Variants in ECD observed in about 807,000 individuals in gnomAD.
The protein encoded by ECD is protein ecdysoneless homolog.
Under a neutral mutation model 77.2 loss-of-function variants are expected in ECD, and 59 were observed. That is an observed-to-expected ratio of 0.76 (90% CI 0.62 to 0.95). The LOEUF (loss-of-function observed/expected upper bound fraction) is 0.95. Ranked by LOEUF, ECD falls within the 40% of genes least tolerant of loss-of-function variation. The pLI is 0.00. For missense variants in ECD, 704 were observed against 763.4 expected, an observed-to-expected ratio of 0.92 and a Z score of 0.92; for synonymous variants, 233 against 267.4, an observed-to-expected ratio of 0.87 and a Z score of 1.26.
At chr10:73,147,279 G>A (rs1451958341) in intron 8 of ECD, among the ~76,000 whole-genome samples, 3 of 152,148 alleles carry the variant, frequency 2.0e-5, no homozygotes, top group Non-Finnish European at 4.4e-5. Flanking sequence ...TGGGCACGGT[G>A]GCTCACGCCT....
At chr10:73,156,131 C>T (rs1843292109) in intron 5 of ECD, 144 bp downstream of exon 5, 3 of 562,264 alleles carry the variant, frequency 5.3e-6, no homozygotes, top group Non-Finnish European at 8.5e-6. Context: ...TAGCATTAAT[C>T]TAGGTGAAAG....
In ECD at chr10:73,147,957, T is replaced by G. The variant is rs1040795803; in HGVS notation, c.1041+319A>C. On this transcript the variant is annotated intron_variant, in intron 8 of 13. Coordinates refer to ENST00000372979, the MANE Select transcript of ECD (RefSeq NM_007265.3). ...TTTACTAGGTATCTTTTAATAATTTTTAAAATCCACATCTTTGCTAATTTT... is the reference window on the plus strand; with the variant it reads ...TTTACTAGGTATCTTTTAATAATTTGTAAAATCCACATCTTTGCTAATTTT... Among the ~76,000 whole-genome samples the G allele has an allele frequency of 3.3e-5, 5 of 152,334 alleles. No homozygotes were observed. In the East Asian group the frequency reaches 9.6e-4, roughly 29 times the overall value.
At chr10:73,137,960 C>T in intron 12 of ECD, 43 bp downstream of exon 12, 6 of 1,460,326 alleles carry the variant, frequency 4.1e-6, no homozygotes, top group Non-Finnish European at 5.6e-6. Context: ...AGCCATACTA[C>T]TAACAGTTTC....
In ECD at chr10:73,134,715, A is replaced by C. The variant is rs749917422; in HGVS notation, c.1803T>G (p.Val601=). ...MAPVDVDLNL[V]SNILESYSSQ... ...AGCTATAGGATTCCAATATATTTGAAACCAGGTTCAGGTCTACATCTACTG... is the reference window on the plus strand; with the variant it reads ...AGCTATAGGATTCCAATATATTTGACACCAGGTTCAGGTCTACATCTACTG... Residue 601 remains valine, a synonymous_variant, in exon 14 of 14, where the codon GTT becomes GTG. Transcript: ENST00000372979. 2.4e-5 allele frequency: 38 copies of C among 1,614,176 alleles called. No individual in the cohort carries two copies. The highest frequency in any genetic ancestry group is 3.2e-5 in the Non-Finnish European group (38 of 1,180,040).
chr10:73,153,791 T>A (rs1156636727), intron 6 of ECD, among the ~76,000 whole-genome samples: 5 of 142,880 alleles, frequency 3.5e-5, no homozygotes, highest in Admixed American at 3.4e-4. Flanking sequence ...CAAAAATAGC[T>A]ATAAAACATT....
At chr10:73,142,746 A>G (rs776391731) in intron 9 of ECD, among the ~76,000 whole-genome samples, 5 of 151,926 alleles carry the variant, frequency 3.3e-5, no homozygotes, top group African/African-American at 4.8e-5. Flanking sequence ...TTTCTCAAGT[A>G]TACTTCGGCA....
intron 8 of ECD, among the ~76,000 whole-genome samples, chr10:73,147,891 T>C (rs759040950): frequency 6.6e-6 from 1 of 152,160 alleles, no homozygotes; most frequent in Non-Finnish European, 1.5e-5. Flanking sequence ...TATATATATA[T>C]ATATCTTTAC....
chr10:73,139,601 C>T (rs1410906242), intron 10 of ECD, 30 bp downstream of exon 10: 3 of 1,578,508 alleles, frequency 1.9e-6, no homozygotes, highest in East Asian at 2.2e-5. Flanking sequence ...TTTTTTTAAC[C>T]CTTCCACTGT....
At chr10:73,152,059 A>AT (rs1233077839) in intron 7 of ECD, among the ~76,000 whole-genome samples, 1 of 152,102 alleles carries the variant, frequency 6.6e-6, no homozygotes, top group African/African-American at 2.4e-5. Flanking sequence ...TCCAATTGGA[A>AT]TTTATTTTGG....
At chr10:73,150,790 G>A (rs10437382) in intron 7 of ECD, among the ~76,000 whole-genome samples, 23,954 of 152,092 alleles carry the variant, frequency 0.16, 3,144 homozygotes, top group African/African-American at 0.34. Flanking sequence ...ATCATCACTC[G>A]CCATCAGAGA....
intron 9 of ECD, among the ~76,000 whole-genome samples, chr10:73,140,860 G>A (rs1207290440): frequency 1.3e-5 from 2 of 150,918 alleles, no homozygotes; most frequent in Admixed American, 6.6e-5. Flanking sequence ...GTATATATAT[G>A]TACATACAGT....
At position 73,156,338 on chromosome 10, in the gene ECD, G is replaced by A; in HGVS notation, c.527C>T (p.Ala176Val). ...TGAAGCAAGTATTTTTTCTGAATGTGCTGTGATTATATTCAATGCTTGTGG... is the reference window on the plus strand; with the variant it reads ...TGAAGCAAGTATTTTTTCTGAATGTACTGTGATTATATTCAATGCTTGTGG... ...TIPQALNIIT[A>V]HSEKILASES... The change falls in exon 5 of 14, where the codon GCA becomes GTA. Residue 176 changes from alanine (A) to valine (V), a missense_variant. Transcript: ENST00000372979. The A allele has an allele frequency of 6.2e-7, 1 of 1,612,660 alleles. No individual in the cohort carries two copies. Among genetic ancestry groups the A allele is most frequent in the Non-Finnish European group, 8.5e-7 (1 of 1,179,608 alleles).
rs777523832 is a variant in ECD, at chr10:73,148,298, A to G, written c.1019T>C (p.Leu340Pro). 6.2e-7 allele frequency: 1 copy of G among 1,613,550 alleles called. No individual in the cohort carries two copies. Among genetic ancestry groups the G allele is most frequent in the African/African-American group, 1.3e-5 (1 of 74,918 alleles). The change falls in exon 8 of 14, where the codon CTG becomes CCG. Residue 340 changes from leucine to proline, a missense_variant. Leu to Pro is a moderately conservative substitution (Grantham distance 98). This residue lies in a region of ECD where 559 missense variants were observed against 583.7 expected (regional missense o/e 0.96). Coordinates refer to ENST00000372979, the MANE Select transcript of ECD (RefSeq NM_007265.3). The stretch of plus-strand genomic sequence containing the variant: ...TACCTTAAAGTAATCATTCTTTTTC[A>G]GACTTTCAAGGAAACTGGCCCAGAG... ...SPLWASFLESLKKNDYFKGLI... is the reference protein window; with the variant it reads ...SPLWASFLESPKKNDYFKGLI...
At chr10:73,137,047 C>T (rs941829800) in intron 12 of ECD, 129 bp from the exon 13 acceptor site, 6 of 412,324 alleles carry the variant, frequency 1.5e-5, no homozygotes, top group African/African-American at 6.2e-5. Context: ...CTAATACACA[C>T]AGTCAGTCTA....
chr10:73,157,164 C>T (rs1031898375), intron 3 of ECD, among the ~76,000 whole-genome samples: 1 of 151,646 alleles, frequency 6.6e-6, no homozygotes, highest in African/African-American at 2.4e-5. Flanking sequence ...ATTATCCTGC[C>T]TCAGCCTCCT....
At chr10:73,158,266 T>C (rs1286419028) in intron 3 of ECD, among the ~76,000 whole-genome samples, 1 of 150,624 alleles carries the variant, frequency 6.6e-6, no homozygotes, top group African/African-American at 2.4e-5. Flanking sequence ...AGGCCTACAA[T>C]GTATTGTGTT....
At chr10:73,139,817 T>G in intron 9 of ECD, 80 bp from the exon 10 acceptor site, 1 of 1,022,120 alleles carries the variant, frequency 9.8e-7, no homozygotes, top group Non-Finnish European at 1.4e-6. Context: ...ATTTTAAGGT[T>G]GGAAGGGATT....
intron 8 of ECD, among the ~76,000 whole-genome samples, chr10:73,146,958 C>T (rs1227376723): frequency 6.6e-6 from 1 of 152,080 alleles, no homozygotes; most frequent in African/African-American, 2.4e-5. Context: ...AATATACTAG[C>T]TGGGCACTGT....
intron 9 of ECD, among the ~76,000 whole-genome samples, chr10:73,140,119 A>G (rs907013106): frequency 5.9e-5 from 9 of 151,884 alleles, no homozygotes; most frequent in Admixed American, 2.0e-4. Flanking sequence ...CAAGTAGCTG[A>G]GACTACAGGC....
Sources: allele counts gnomAD v4.1 joint callset (sites outside exome capture counted in the v4.1 genomes callset), GRCh38; gene constraint gnomAD v4.1.1; regional missense constraint gnomAD v4.1.1; transcripts MANE v1.5; gene names NCBI Gene and HGNC (gene_info 2026-07-23, HGNC 2026-07-21).